Variants in ARHGAP15 observed in about 807,000 individuals in gnomAD.
ARHGAP15 encodes the protein rho GTPase-activating protein 15.
In ARHGAP15, 51 loss-of-function variants were observed where a neutral mutation model predicts 63.7. The ratio of observed to expected loss-of-function variants is 0.80; its 90% confidence interval spans 0.64 to 1.01. The LOEUF (loss-of-function observed/expected upper bound fraction) is 1.01. ARHGAP15 is among the 50% of genes least tolerant of loss of function. The pLI is 0.00. For missense variants in ARHGAP15, 560 were observed against 564.6 expected (o/e 0.99, Z 0.08); for synonymous variants, 191 against 193.8 (o/e 0.99, Z 0.12).
At chr2:143,741,571 G>GAGTTT (rs1334763037) in intron 13 of ARHGAP15, among the ~76,000 whole-genome samples, 1 of 152,170 alleles carries the variant, frequency 6.6e-6, no homozygotes, top group African/African-American at 2.4e-5. Flanking sequence ...TAAAATAAAA[G>GAGTTT]AGTTTAGTTT....
At chr2:143,515,617 T>C (rs1235814085) in intron 9 of ARHGAP15, among the ~76,000 whole-genome samples, 1 of 152,250 alleles carries the variant, frequency 6.6e-6, no homozygotes. Context: ...TTTTGCTATA[T>C]AGTCCTGAGT....
chr2:143,382,153 C>G (rs1218726825), intron 6 of ARHGAP15, among the ~76,000 whole-genome samples: 1 of 149,876 alleles, frequency 6.7e-6, no homozygotes, highest in East Asian at 2.0e-4. Context: ...TTCCTCCCTT[C>G]CTTCCACCAG....
chr2:143,673,758 G>GTATATATATATATATA (rs70982879), intron 12 of ARHGAP15, among the ~76,000 whole-genome samples: 236 of 22,112 alleles, frequency 0.011, 15 homozygotes, highest in South Asian at 0.033. Flanking sequence ...GTGTGTGTGT[G>GTATATATATATATATA]TATATATATA....
At chr2:143,398,932 G>C (rs1294613341) in intron 6 of ARHGAP15, among the ~76,000 whole-genome samples, 3 of 152,060 alleles carry the variant, frequency 2.0e-5, no homozygotes, top group Admixed American at 6.6e-5. Context: ...TTAATTGGAG[G>C]CTGATTCACT....
At chr2:143,740,627 G>A (rs1685926658) in intron 13 of ARHGAP15, among the ~76,000 whole-genome samples, 1 of 152,214 alleles carries the variant, frequency 6.6e-6, no homozygotes, top group African/African-American at 2.4e-5. Flanking sequence ...CAAGCGCAGT[G>A]TCAACGAGAT....
chr2:143,555,862 GAATAGAATAGAATAGAAT>G (rs1695767439), intron 10 of ARHGAP15, among the ~76,000 whole-genome samples: 3 of 20,978 alleles, frequency 1.4e-4, no homozygotes, highest in African/African-American at 5.4e-4. Context: ...AGGAAAACAA[GAATAGAATAGAATAGAAT>G]AGAATAGAAT....
In ARHGAP15 at chr2:143,285,253, TAACTA is replaced by T. The variant is rs1361567664; in HGVS notation, c.474+34655_474+34659del. 3.9e-5 allele frequency among the ~76,000 whole-genome samples: 6 copies of T among 152,106 alleles called. No individual in the cohort carries two copies. In the East Asian group the frequency reaches 7.7e-4, roughly 20 times the overall value. ...AGAAAATTAAGAAACTATGGAAACTTAACTAATTCAATATTTTTTTTCAATATACT... is the reference window on the plus strand; with the variant it reads ...AGAAAATTAAGAAACTATGGAAACTTATTCAATATTTTTTTTCAATATACT... On this transcript the variant is annotated intron_variant, in intron 6 of 13. Transcript: ENST00000295095.
At position 143,153,833 on chromosome 2, in the gene ARHGAP15, CTTCT is replaced by C. The variant is rs1558779467; in HGVS notation, c.-14-1642_-14-1639del. On this transcript the variant is annotated intron_variant, in intron 1 of 13. Coordinates refer to ENST00000295095, the MANE Select transcript of ARHGAP15 (RefSeq NM_018460.4). ...TCTTCTTCTTCTTCTTCTTCTTCTT[CTTCT>C]TCTTCTTCCTCCTCCTCCTCCTCCT... 3.3e-3 allele frequency among the ~76,000 whole-genome samples: 301 copies of C among 90,806 alleles called. 9 individuals are homozygous for C. The highest frequency in any genetic ancestry group is 5.1e-3 in the Middle Eastern group (1 of 198). 59.6% of individuals were successfully genotyped at this position (90,806 alleles called of 152,430 possible).
intron 5 of ARHGAP15, among the ~76,000 whole-genome samples, chr2:143,248,615 A>G (rs1694144160): frequency 6.6e-6 from 1 of 152,178 alleles, no homozygotes; most frequent in African/African-American, 2.4e-5. Context: ...GATAATACCT[A>G]CCTCATACAG....
rs1025470009 is a variant in ARHGAP15, at chr2:143,519,201, G to T, written c.827-65G>T. The T allele has an allele frequency of 1.5e-5, 19 of 1,254,262 alleles. No individual in the cohort carries two copies. The South Asian group carries it at 1.8e-4, about 12-fold the overall frequency. The allele number at this position is 1,254,262 out of a possible 1,614,324, so 77.7% of individuals were successfully genotyped here. A position where few individuals can be genotyped will look rare whatever the true frequency, so the allele number is the denominator to read the frequency against. On this transcript the variant is annotated intron_variant, in intron 9 of 13. Coordinates refer to ENST00000295095, the MANE Select transcript of ARHGAP15 (RefSeq NM_018460.4). ...TTCAGCATGCAATGGATATGGAAAC[G>T]GAATCAAATTAAAGAACAACGCAAG...
At chr2:143,351,761 A>G (rs1685583437) in intron 6 of ARHGAP15, among the ~76,000 whole-genome samples, 1 of 152,118 alleles carries the variant, frequency 6.6e-6, no homozygotes, top group Non-Finnish European at 1.5e-5. Flanking sequence ...ACTAATTGCT[A>G]ATTGGCATTT....
At chr2:143,662,390 G>A (rs1362813033) in intron 12 of ARHGAP15, among the ~76,000 whole-genome samples, 3 of 145,282 alleles carry the variant, frequency 2.1e-5, no homozygotes, top group Non-Finnish European at 4.6e-5. Flanking sequence ...AAACAGAAAG[G>A]ACATCCACAC....
chr2:143,569,955 A>G (rs1696385031), intron 11 of ARHGAP15, among the ~76,000 whole-genome samples: 1 of 152,184 alleles, frequency 6.6e-6, no homozygotes, highest in African/African-American at 2.4e-5. Context: ...TAGAAAGCCT[A>G]GGTCAATTTT....
At chr2:143,471,156 TACAG>T (rs767544539) in intron 8 of ARHGAP15, among the ~76,000 whole-genome samples, 11 of 145,918 alleles carry the variant, frequency 7.5e-5, no homozygotes, top group African/African-American at 2.1e-4. Flanking sequence ...TGTGTATAGA[TACAG>T]AAAGAGGATA....
intron 8 of ARHGAP15, among the ~76,000 whole-genome samples, chr2:143,467,441 C>T (rs1289754299): frequency 6.6e-6 from 1 of 151,772 alleles, no homozygotes; most frequent in Non-Finnish European, 1.5e-5. Context: ...AATTAAAATG[C>T]ATTGATCACA....
chr2:143,196,820 AATAAAAGAGACATGC>A (rs1318989065), intron 2 of ARHGAP15, among the ~76,000 whole-genome samples: 15 of 152,118 alleles, frequency 9.9e-5, no homozygotes, highest in Non-Finnish European at 2.1e-4. Flanking sequence ...TTGGAAACAA[AATAAAAGAGACATGC>A]ATAAACATAA....
intron 9 of ARHGAP15, among the ~76,000 whole-genome samples, chr2:143,512,912 G>A (rs1693652200): frequency 6.6e-6 from 1 of 152,212 alleles, no homozygotes; most frequent in Admixed American, 6.5e-5. Context: ...TTAAGTGTAG[G>A]CAGCCTAGAG....
chr2:143,589,842 A>G (rs1202782413), intron 11 of ARHGAP15, among the ~76,000 whole-genome samples: 1 of 152,226 alleles, frequency 6.6e-6, no homozygotes, highest in East Asian at 1.9e-4. Flanking sequence ...GAAACTGTTA[A>G]AAAATTAAAA....
At chr2:143,637,130 T>C (rs1160067866) in intron 12 of ARHGAP15, among the ~76,000 whole-genome samples, 1 of 151,970 alleles carries the variant, frequency 6.6e-6, no homozygotes, top group Non-Finnish European at 1.5e-5. Context: ...CTTCTCCAAA[T>C]ACCATCACAT....
Sources: gnomAD v4.1 joint callset for allele counts (sites outside exome capture counted in the v4.1 genomes callset) on GRCh38, gnomAD v4.1.1 for gene constraint, MANE v1.5 for transcripts, NCBI Gene and HGNC (gene_info 2026-07-23, HGNC 2026-07-21) for gene names.